The following PPP2R5E variants were observed in gnomAD, a reference collection of about 807,000 sequenced individuals.
The protein encoded by PPP2R5E is serine/threonine-protein phosphatase 2A 56 kDa regulatory subunit epsilon isoform.
A neutral mutation model predicts 65.3 loss-of-function variants in PPP2R5E; 4 were observed. That is an observed-to-expected ratio of 0.06 (90% CI 0.03 to 0.14). The LOEUF (loss-of-function observed/expected upper bound fraction) is 0.14. Ranked by LOEUF, PPP2R5E falls within the 10% of genes least tolerant of loss-of-function variation. The probability of loss-of-function intolerance (pLI) is 1.00; values close to 1 mark genes in which losing one functional copy is unlikely to be tolerated. For synonymous variants in PPP2R5E, 183 were observed against 187.4 expected (o/e 0.98, Z 0.19); for missense variants, 274 against 556.1 (o/e 0.49, Z 5.10).
At chr14:63,476,883 T>C (rs1362560674) in intron 2 of PPP2R5E, among the ~76,000 whole-genome samples, 1 of 152,178 alleles carries the variant, frequency 6.6e-6, no homozygotes, top group African/African-American at 2.4e-5. Context: ...TAGTGTCCAC[T>C]AACAGCTGAA....
At chr14:63,394,150 C>G (rs1426615605) in intron 7 of PPP2R5E, among the ~76,000 whole-genome samples, 1 of 144,134 alleles carries the variant, frequency 6.9e-6, no homozygotes, top group East Asian at 2.1e-4. Context: ...GGCCCAATCT[C>G]AGCTCACTGC....
chr14:63,451,896 A>C (rs1303080610), intron 3 of PPP2R5E: 3 of 152,190 alleles, frequency 2.0e-5, no homozygotes, highest in African/African-American at 7.2e-5. Flanking sequence ...TAAAAAATTA[A>C]ATTTTTAAAA....
rs1181529924 is a variant in PPP2R5E at position 63,375,136 on chromosome 14, T to G, written c.*873A>C. 2 of 152,596 alleles carry G rather than the reference T, an allele frequency of 1.3e-5. No individual in the cohort carries two copies. The highest frequency in any genetic ancestry group is 4.8e-5 in the African/African-American group (2 of 41,430). 9.5% of individuals were successfully genotyped at this position (152,596 alleles called of 1,614,324 possible). A position where few individuals can be genotyped will look rare whatever the true frequency, so the allele number is the denominator to read the frequency against. On this transcript the variant is annotated 3_prime_UTR_variant, in exon 14 of 14. Coordinates refer to ENST00000337537, the MANE Select transcript of PPP2R5E (RefSeq NM_006246.5). The stretch of plus-strand genomic sequence containing the variant: ...ATGGTTGTATTGTTTAGTGTTTGTC[T>G]TTCTTATTTCAAATGGTCCAAAAGG...
At chr14:63,510,457 A>G (rs1327005455) in intron 2 of PPP2R5E, among the ~76,000 whole-genome samples, 3 of 152,264 alleles carry the variant, frequency 2.0e-5, no homozygotes, top group Non-Finnish European at 4.4e-5. Flanking sequence ...TCAAGTGGTG[A>G]TAAGTGCTAA....
chr14:63,527,928 A>G (rs1893247965), intron 2 of PPP2R5E, among the ~76,000 whole-genome samples: 1 of 151,958 alleles, frequency 6.6e-6, no homozygotes, highest in South Asian at 2.1e-4. Flanking sequence ...ATGTAAGAAA[A>G]AAAAAAAAAA....
chr14:63,526,317 G>A (rs374083197), intron 2 of PPP2R5E, among the ~76,000 whole-genome samples: 12 of 152,318 alleles, frequency 7.9e-5, no homozygotes, highest in African/African-American at 9.6e-5. Context: ...ATGGAGGCAC[G>A]AAAGTATTAG....
rs1883729424 is a variant in PPP2R5E, at chr14:63,372,274, A to G, written c.*3735T>C. On this transcript the variant is annotated 3_prime_UTR_variant, in exon 14 of 14. Coordinates refer to ENST00000337537, the MANE Select transcript of PPP2R5E (RefSeq NM_006246.5). The stretch of plus-strand genomic sequence containing the variant: ...TGCTCAACTTTCTCTCAAGATGCAC[A>G]ATCCTTCTTTTAGGTTTTCAAAATT... 1.3e-5 allele frequency: 2 copies of G among 152,168 alleles called. No homozygotes were observed. Among genetic ancestry groups the G allele is most frequent in the Admixed American group, 1.3e-4 (2 of 15,262 alleles). 9.4% of individuals were successfully genotyped at this position (152,168 alleles called of 1,614,324 possible). A position where few individuals can be genotyped will look rare whatever the true frequency, so the allele number is the denominator to read the frequency against.
chr14:63,453,548 C>T (rs747694910), intron 3 of PPP2R5E, 141 bp downstream of exon 3: 23 of 702,192 alleles, frequency 3.3e-5, no homozygotes, highest in East Asian at 5.6e-5. Context: ...AGCACTGTGC[C>T]GACTACATTT....
intron 2 of PPP2R5E, among the ~76,000 whole-genome samples, chr14:63,493,307 C>A (rs1891373781): frequency 6.6e-6 from 1 of 151,878 alleles, no homozygotes; most frequent in African/African-American, 2.4e-5. Flanking sequence ...CCAAGCCAAG[C>A]TAATCAGATA....
chr14:63,539,454 C>G, intron 2 of PPP2R5E, 75 bp downstream of exon 2: 1 of 1,488,052 alleles, frequency 6.7e-7, no homozygotes, highest in South Asian at 1.3e-5. Flanking sequence ...ATATAAAACT[C>G]TACAAAAAGG....
At chr14:63,428,719 C>CA (rs749591844) in intron 3 of PPP2R5E, among the ~76,000 whole-genome samples, 1 of 152,234 alleles carries the variant, frequency 6.6e-6, no homozygotes. Flanking sequence ...TTCATGACCT[C>CA]ATAAACAAAA....
At chr14:63,488,505 G>C (rs1891111827) in intron 2 of PPP2R5E, among the ~76,000 whole-genome samples, 1 of 152,040 alleles carries the variant, frequency 6.6e-6, no homozygotes, top group Non-Finnish European at 1.5e-5. Context: ...ACCCAGCCGT[G>C]TGAATGATTT....
chr14:63,484,388 A>C (rs74691251), intron 2 of PPP2R5E, among the ~76,000 whole-genome samples: 57 of 124,590 alleles, frequency 4.6e-4, no homozygotes, highest in Middle Eastern at 4.1e-3. Context: ...CACACACACA[A>C]AGAATCGTAT....
At chr14:63,421,680 T>C (rs1327336471) in intron 4 of PPP2R5E, among the ~76,000 whole-genome samples, 1 of 152,186 alleles carries the variant, frequency 6.6e-6, no homozygotes, top group Non-Finnish European at 1.5e-5. Context: ...CTAATGCTAA[T>C]GTGAAAATAA....
At chr14:63,446,586 T>C (rs919134762) in intron 3 of PPP2R5E, among the ~76,000 whole-genome samples, 1 of 151,816 alleles carries the variant, frequency 6.6e-6, no homozygotes, top group African/African-American at 2.4e-5. Context: ...TTCCAGCACT[T>C]TGGGAGGCCG....
chr14:63,530,914 GC>G (rs1566766023), intron 2 of PPP2R5E, among the ~76,000 whole-genome samples: 1 of 152,048 alleles, frequency 6.6e-6, no homozygotes, highest in Non-Finnish European at 1.5e-5. Flanking sequence ...ACCGCGCCTG[GC>G]CAATTTCTTT....
rs183339680 is a variant in PPP2R5E at position 63,499,032 on chromosome 14, G to C, written c.157+40497C>G. Among the ~76,000 whole-genome samples, 341 of 152,230 alleles carry C rather than the reference G, an allele frequency of 2.2e-3. 2 individuals carry two copies. The highest frequency in any genetic ancestry group is 6.8e-3 in the Middle Eastern group (2 of 294). On this transcript the variant is annotated intron_variant, in intron 2 of 13. Coordinates refer to ENST00000337537, the MANE Select transcript of PPP2R5E (RefSeq NM_006246.5). Reference sequence around the variant, plus strand: ...CAAATTTAAAATCAAAATTAGTCATGAAAATCATTTATATATGCACGTTTA... The same window carrying C: ...CAAATTTAAAATCAAAATTAGTCATCAAAATCATTTATATATGCACGTTTA...
intron 5 of PPP2R5E, among the ~76,000 whole-genome samples, chr14:63,399,366 C>CTTTCTTTTTTTTTT (rs1885604828): frequency 1.0e-4 from 5 of 48,504 alleles, no homozygotes; most frequent in Admixed American, 3.3e-4. Flanking sequence ...GGATTTCTTT[C>CTTTCTTTTTTTTTT]TTTTTTTTTT....
At chr14:63,479,134 G>C (rs998390257) in intron 2 of PPP2R5E, 4 of 151,990 alleles carry the variant, frequency 2.6e-5, no homozygotes, top group Non-Finnish European at 5.9e-5. Context: ...TTCAAAAAAA[G>C]AAAGAAAGAA....
Sources: allele counts gnomAD v4.1 joint callset (sites outside exome capture counted in the v4.1 genomes callset), GRCh38; gene constraint gnomAD v4.1.1; transcripts MANE v1.5; gene names NCBI Gene and HGNC (gene_info 2026-07-23, HGNC 2026-07-21).